The following KCNK9 variants were observed in gnomAD, a reference collection of about 807,000 sequenced individuals.
KCNK9 encodes the protein potassium two pore domain channel subfamily K member 9.
In KCNK9, 1 loss-of-function variant was observed where a neutral mutation model predicts 10.8. The ratio of observed to expected loss-of-function variants is 0.09; its 90% CI spans 0.03 to 0.44. The LOEUF is 0.44. Ranked by LOEUF, KCNK9 falls within the 20% of genes least tolerant of loss-of-function variation. The pLI is 0.97. For missense variants in KCNK9, 303 were observed against 515.0 expected (o/e 0.59, Z 3.98); for synonymous variants, 231 against 222.7 (o/e 1.04, Z -0.33).
At position 139,703,061 on chromosome 8, in the gene KCNK9, G is replaced by A; in HGVS notation, c.-69C>T. On this transcript the variant is annotated 5_prime_UTR_variant, in exon 1 of 2. Transcript: ENST00000520439. The surrounding 1 kb of genome is among the most constrained non-coding windows in gnomAD (Gnocchi z 6.4). ...TCACAGCCGCGCGCGTCCCACTGCAGCGCCCGGCGGCCGCCGCCGCCTCCT... is the reference window on the plus strand; with the variant it reads ...TCACAGCCGCGCGCGTCCCACTGCAACGCCCGGCGGCCGCCGCCGCCTCCT... The A allele has an allele frequency of 2.3e-6, 3 of 1,308,414 alleles. No homozygotes were observed. The highest frequency in any genetic ancestry group is 1.9e-6 in the Non-Finnish European group (2 of 1,031,288). 81.1% of individuals were successfully genotyped at this position (1,308,414 alleles called of 1,614,324 possible).
chr8:139,605,675 C>T (rs1005429528), intron 2 of KCNK9, among the ~76,000 whole-genome samples: 1 of 152,106 alleles, frequency 6.6e-6, no homozygotes, highest in African/African-American at 2.4e-5. Flanking sequence ...TAGAAAAATG[C>T]ATTATTGTAC....
intron 1 of KCNK9, among the ~76,000 whole-genome samples, chr8:139,663,694 A>C (rs1415125438): frequency 7.8e-6 from 1 of 128,198 alleles, no homozygotes; most frequent in Non-Finnish European, 1.6e-5. Flanking sequence ...AGAGAGAGAG[A>C]TAGAGAGAGA....
At chr8:139,631,215 C>T (rs1815161845) in intron 1 of KCNK9, among the ~76,000 whole-genome samples, 1 of 152,248 alleles carries the variant, frequency 6.6e-6, no homozygotes, top group African/African-American at 2.4e-5. Context: ...TCAGAAGCTG[C>T]CATCCATCAG....
At chr8:139,686,581 C>T (rs927962053) in intron 1 of KCNK9, among the ~76,000 whole-genome samples, 1 of 152,122 alleles carries the variant, frequency 6.6e-6, no homozygotes, top group Admixed American at 6.5e-5. Context: ...ACCTTGAGGT[C>T]GATTATTGTT....
chr8:139,622,558 C>A (rs974731981), intron 1 of KCNK9, among the ~76,000 whole-genome samples: 1 of 152,206 alleles, frequency 6.6e-6, no homozygotes, highest in African/African-American at 2.4e-5. Context: ...CCAGGAACTG[C>A]ACCCTTGGCA....
At chr8:139,609,457 G>A (rs1201548655), downstream of KCNK9, among the ~76,000 whole-genome samples, 1 of 152,242 alleles carries the variant, frequency 6.6e-6, no homozygotes, top group Admixed American at 6.5e-5. Flanking sequence ...ACCCTGGAGT[G>A]AGGAATCCAG....
chr8:139,657,687 C>G (rs1380426154), intron 1 of KCNK9, among the ~76,000 whole-genome samples: 1 of 152,224 alleles, frequency 6.6e-6, no homozygotes, highest in South Asian at 2.1e-4. Flanking sequence ...TCCCTTTCCC[C>G]ATATGCAGAA....
intron 1 of KCNK9, among the ~76,000 whole-genome samples, chr8:139,658,896 C>T (rs1052815499): frequency 1.1e-4 from 16 of 152,340 alleles, no homozygotes; most frequent in Admixed American, 5.2e-4. Flanking sequence ...AGGCACTGTC[C>T]GAGGTGCTGA....
intron 1 of KCNK9, among the ~76,000 whole-genome samples, chr8:139,673,213 G>A (rs868355792): frequency 1.3e-5 from 2 of 152,142 alleles, no homozygotes; most frequent in Admixed American, 6.5e-5. Context: ...ATGGAGGGCC[G>A]GGGGTGATGG....
intron 1 of KCNK9, among the ~76,000 whole-genome samples, chr8:139,624,743 C>A (rs1014552092): frequency 5.9e-5 from 9 of 152,200 alleles, no homozygotes; most frequent in African/African-American, 1.9e-4. Flanking sequence ...TAGAAGAGAA[C>A]CTCCAGTTCA....
chr8:139,658,586 G>A lies in KCNK9; in HGVS notation c.284-39487C>T, dbSNP rs76383082. ...ACTGTACAAAAGATACCACGGAGGG[G>A]AGAGCACAACCCCTGCCTTCTGGAA... On this transcript the variant is annotated intron_variant, in intron 1 of 1. Transcript: ENST00000520439. Among the ~76,000 whole-genome samples, 1,206 of 152,262 alleles carry A rather than the reference G, an allele frequency of 7.9e-3. 17 individuals carry two copies. Among genetic ancestry groups the A allele is most frequent in the African/African-American group, 0.028 (1,151 of 41,550 alleles).
chr8:139,670,070 C>T (rs1816392537), intron 1 of KCNK9, among the ~76,000 whole-genome samples: 1 of 152,148 alleles, frequency 6.6e-6, no homozygotes, highest in African/African-American at 2.4e-5. Flanking sequence ...TTCAGTAAGC[C>T]ATGATGTAAA....
chr8:139,686,827 G>GA (rs1816800007), intron 1 of KCNK9, among the ~76,000 whole-genome samples: 1 of 151,904 alleles, frequency 6.6e-6, no homozygotes, highest in African/African-American at 2.4e-5. Context: ...TTGGATTAAA[G>GA]AAAAAAATAA....
chr8:139,657,029 T>G (rs1419501766), intron 1 of KCNK9, among the ~76,000 whole-genome samples: 4 of 152,096 alleles, frequency 2.6e-5, no homozygotes, highest in Non-Finnish European at 4.4e-5. Context: ...CCTTTGCAGG[T>G]GCTATGTCCT....
At chr8:139,637,224 C>T (rs1185642075) in intron 1 of KCNK9, among the ~76,000 whole-genome samples, 1 of 152,190 alleles carries the variant, frequency 6.6e-6, no homozygotes, top group East Asian at 1.9e-4. Flanking sequence ...AGAATCATGA[C>T]CTGCATGTCG....
At chr8:139,697,575 G>T (rs2129813266) in intron 1 of KCNK9, among the ~76,000 whole-genome samples, 2 of 152,138 alleles carry the variant, frequency 1.3e-5, no homozygotes, top group South Asian at 2.1e-4. Flanking sequence ...AATAACCGCT[G>T]CATGGAGGAA....
chr8:139,661,519 G>A (rs566542557), intron 1 of KCNK9, among the ~76,000 whole-genome samples: 1 of 152,306 alleles, frequency 6.6e-6, no homozygotes, highest in Admixed American at 6.5e-5. Context: ...AGCAAGCAGA[G>A]CCCACAGGAA....
Position 139,702,165 on chromosome 8 carries a change from A to G in KCNK9, c.283+545T>C, listed in dbSNP as rs890424591. 1.3e-5 allele frequency among the ~76,000 whole-genome samples: 2 copies of G among 151,912 alleles called. No homozygotes were observed. The highest frequency in any genetic ancestry group is 2.1e-4 in the South Asian group (1 of 4,802). ...GGGAAAAAAGGAGCCGGGCGGGGGG[A>G]AGAGAGATGAAATCTGAGCTCAGAG... On this transcript the variant is annotated intron_variant, in intron 1 of 1. Transcript: ENST00000520439. The surrounding 1 kb of genome is among the most constrained non-coding windows in gnomAD (Gnocchi z 7.5).
chr8:139,650,729 G>A (rs375926808), intron 1 of KCNK9, among the ~76,000 whole-genome samples: 59 of 152,308 alleles, frequency 3.9e-4, no homozygotes, highest in African/African-American at 1.3e-3. Context: ...ACACCCCTGA[G>A]AAATGAGAAA....
Sources: gnomAD v4.1 joint callset for allele counts (sites outside exome capture counted in the v4.1 genomes callset) on GRCh38, gnomAD v4.1.1 for gene constraint, Gnocchi (gnomAD v3.1) non-coding constraint, MANE v1.5 for transcripts, NCBI Gene and HGNC (gene_info 2026-07-23, HGNC 2026-07-21) for gene names.